MAF: variants seen among roughly 807,000 people sequenced by gnomAD.
MAF encodes transcription factor Maf.
A neutral mutation model predicts 22.0 loss-of-function variants in MAF; 10 were observed. The ratio of observed to expected loss-of-function variants is 0.45; its 90% CI spans 0.28 to 0.77. The LOEUF (loss-of-function observed/expected upper bound fraction) is 0.77, where lower values mean the gene tolerates loss of function less well. Ranked by LOEUF, MAF falls within the 30% of genes least tolerant of loss-of-function variation. MAF has a pLI of 0.12. For synonymous variants in MAF, 337 were observed against 255.8 expected, an observed-to-expected ratio of 1.32 and a Z score of -3.03; for missense variants, 544 against 548.4, an observed-to-expected ratio of 0.99 and a Z score of 0.08.
chr16:79,600,215 T>G lies in MAF; in HGVS notation c.-313A>C. 2 of 293,416 alleles carry G rather than the reference T, an allele frequency of 6.8e-6. No homozygotes were observed. Among genetic ancestry groups the G allele is most frequent in the Middle Eastern group, 9.7e-4 (1 of 1,032 alleles). The allele number at this position is 293,416 out of a possible 1,614,324, so 18.2% of individuals were successfully genotyped here. ...GGCGGCTTCAGGCTCGGGAAGATCCTCCGCGAGCTGCGGTGGCGGCGGTGG... is the reference window on the plus strand; with the variant it reads ...GGCGGCTTCAGGCTCGGGAAGATCCGCCGCGAGCTGCGGTGGCGGCGGTGG... On this transcript the variant is annotated 5_prime_UTR_variant, in exon 1 of 2. Transcript: ENST00000326043.
At chr16:79,268,159 A>C in the MAF span, among the ~76,000 whole-genome samples, 1 of 152,230 alleles carries the variant, frequency 6.6e-6, no homozygotes, top group Non-Finnish European at 1.5e-5. Context: ...TATGCCCTCC[A>C]TGACCATGGG....
At chr16:79,444,404 C>A in the MAF span, among the ~76,000 whole-genome samples, 1 of 152,008 alleles carries the variant, frequency 6.6e-6, no homozygotes, top group African/African-American at 2.4e-5. Context: ...ATTTTATAGT[C>A]GGACAGGTAC....
chr16:79,267,091 A>T, the MAF span, among the ~76,000 whole-genome samples: 850 of 152,348 alleles, frequency 5.6e-3, 53 homozygotes, highest in East Asian at 0.12. Context: ...CATGTAATAC[A>T]CTATAAAGTC....
the MAF span, among the ~76,000 whole-genome samples, chr16:79,447,965 C>T: frequency 2.0e-5 from 3 of 149,358 alleles, no homozygotes; most frequent in African/African-American, 7.5e-5. Context: ...GCTGCAGTCT[C>T]ATAATAAAAC....
chr16:79,439,049 G>A, the MAF span, among the ~76,000 whole-genome samples: 1 of 152,044 alleles, frequency 6.6e-6, no homozygotes, highest in Non-Finnish European at 1.5e-5. Context: ...ATATTGTCGT[G>A]TCCCCTAGCT....
At chr16:79,560,504 G>C in the MAF span, among the ~76,000 whole-genome samples, 3 of 151,650 alleles carry the variant, frequency 2.0e-5, no homozygotes, top group Non-Finnish European at 4.4e-5. Context: ...GGAACTATCA[G>C]TCCAAAATAT....
At chr16:79,466,226 C>T in the MAF span, among the ~76,000 whole-genome samples, 22 of 152,308 alleles carry the variant, frequency 1.4e-4, no homozygotes, top group African/African-American at 5.1e-4. Flanking sequence ...CCTCTAGACC[C>T]ACCCTCTCAG....
At chr16:79,323,097 T>TGGAGATCA in the MAF span, among the ~76,000 whole-genome samples, 2 of 121,630 alleles carry the variant, frequency 1.6e-5, no homozygotes, top group African/African-American at 6.3e-5. Flanking sequence ...TTGCAGTGAG[T>TGGAGATCA]GGAGATCAGC....
At chr16:79,299,511 G>T in the MAF span, among the ~76,000 whole-genome samples, 1 of 152,184 alleles carries the variant, frequency 6.6e-6, no homozygotes, top group Admixed American at 6.5e-5. Flanking sequence ...AAGGAGGGGG[G>T]TCAAGGAAGA....
the MAF span, among the ~76,000 whole-genome samples, chr16:79,251,894 T>C: frequency 6.6e-6 from 1 of 152,188 alleles, no homozygotes; most frequent in African/African-American, 2.4e-5. Flanking sequence ...TAAACTTCTG[T>C]GTATGTGTGT....
chr16:79,286,848 G>A, the MAF span, among the ~76,000 whole-genome samples: 1 of 152,062 alleles, frequency 6.6e-6, no homozygotes, highest in African/African-American at 2.4e-5. Flanking sequence ...AGACACAACT[G>A]CACAAATGCA....
At chr16:79,541,948 G>T in the MAF span, among the ~76,000 whole-genome samples, 1 of 152,198 alleles carries the variant, frequency 6.6e-6, no homozygotes, top group Middle Eastern at 3.4e-3. Context: ...GAGCCAACAA[G>T]CCCGGTTACT....
the MAF span, among the ~76,000 whole-genome samples, chr16:79,369,741 C>T: frequency 6.6e-6 from 1 of 152,220 alleles, no homozygotes; most frequent in Admixed American, 6.5e-5. Context: ...ATCTCAGCCA[C>T]TGCTAATGCT....
At chr16:79,385,701 G>T in the MAF span, among the ~76,000 whole-genome samples, 1 of 152,162 alleles carries the variant, frequency 6.6e-6, no homozygotes, top group Non-Finnish European at 1.5e-5. Flanking sequence ...AGGAGTTCAA[G>T]ATGAGCCTGG....
At chr16:79,433,590 C>A in the MAF span, among the ~76,000 whole-genome samples, 1 of 151,804 alleles carries the variant, frequency 6.6e-6, no homozygotes, top group Non-Finnish European at 1.5e-5. Context: ...CCTTAAGGAA[C>A]TTAGGAGAAA....
At chr16:79,231,799 G>C in the MAF span, among the ~76,000 whole-genome samples, 11,123 of 151,986 alleles carry the variant, frequency 0.073, 588 homozygotes, top group Middle Eastern at 0.15. Flanking sequence ...ACGGTGAACT[G>C]TATTTCTATT....
At chr16:79,581,310 C>A (rs1912502390), downstream of MAF, among the ~76,000 whole-genome samples, 1 of 152,154 alleles carries the variant, frequency 6.6e-6, no homozygotes, top group Non-Finnish European at 1.5e-5. Context: ...AAAATATAAA[C>A]AAGCCAGAGG....
At chr16:79,496,883 T>C in the MAF span, among the ~76,000 whole-genome samples, 4 of 152,214 alleles carry the variant, frequency 2.6e-5, no homozygotes, top group African/African-American at 9.6e-5. Flanking sequence ...CCTCTGATTA[T>C]TATTTTTTTC....
In MAF at chr16:79,600,118, C is replaced by G. The variant is rs1913930618; in HGVS notation, c.-216G>C. 1.8e-6 allele frequency: 1 copy of G among 560,474 alleles called. No homozygotes were observed. The highest frequency in any genetic ancestry group is 3.0e-6 in the Non-Finnish European group (1 of 329,090). 34.7% of individuals were successfully genotyped at this position (560,474 alleles called of 1,614,324 possible). Reference sequence around the variant, plus strand: ...CCCCCGCGCCCGCCCTCCCTCCCCCCTGCTCACGCCAATGTGCTCCCTCGC... The same window carrying G: ...CCCCCGCGCCCGCCCTCCCTCCCCCGTGCTCACGCCAATGTGCTCCCTCGC... On this transcript the variant is annotated 5_prime_UTR_variant, in exon 1 of 2. Coordinates refer to ENST00000326043, the MANE Select transcript of MAF (RefSeq NM_005360.5).
Sources: gnomAD v4.1 joint callset for allele counts (sites outside exome capture counted in the v4.1 genomes callset) on GRCh38, gnomAD v4.1.1 for gene constraint, MANE v1.5 for transcripts, NCBI Gene and HGNC (gene_info 2026-07-23, HGNC 2026-07-21) for gene names.